The following IL17RA variants were observed in gnomAD, a reference collection of about 807,000 sequenced individuals.
IL17RA encodes interleukin-17 receptor A.
IL17RA carries 34 observed loss-of-function variants against 50.4 expected under a neutral mutation model. The ratio of observed to expected loss-of-function variants is 0.67; its 90% CI spans 0.51 to 0.90. The LOEUF (loss-of-function observed/expected upper bound fraction) is 0.90. IL17RA is among the 40% of genes least tolerant of loss of function. The pLI is 0.00. For missense variants in IL17RA, 1,276 were observed against 1,169.8 expected (o/e 1.09, Z -1.32); for synonymous variants, 585 against 510.4 (o/e 1.15, Z -1.97).
At chr22:17,108,206 C>A in intron 12 of IL17RA, 101 bp from the exon 13 acceptor site, 1 of 1,245,504 alleles carries the variant, frequency 8.0e-7, no homozygotes, top group Non-Finnish European at 1.2e-6. Flanking sequence ...AGGGAGGGAG[C>A]CAAGCTCTGT....
Position 17,102,210 on chromosome 22 carries a change from T to C in IL17RA, c.670T>C (p.Trp224Arg). Residue 224 changes from tryptophan (W) to arginine (R), a missense_variant, in exon 7 of 13, where the codon TGG (tryptophan) becomes CGG (arginine). Physicochemically the swap from Trp to Arg is moderately radical, Grantham distance 101. Coordinates refer to ENST00000319363, the MANE Select transcript of IL17RA (RefSeq NM_014339.7). ...AHQLRVSFTL[W>R]NESTHYQILL... ...CCAGCTGCGTGTGAGCTTCACCCTG[T>C]GGAACGAATCTACCCATTACCAGAT... 2 of 1,614,190 alleles carry C rather than the reference T, an allele frequency of 1.2e-6. No homozygotes were observed. The highest frequency in any genetic ancestry group is 1.3e-5 in the African/African-American group (1 of 75,054).
intron 5 of IL17RA, among the ~76,000 whole-genome samples, chr22:17,100,779 A>C (rs1165102972): frequency 6.6e-6 from 1 of 152,170 alleles, no homozygotes; most frequent in African/African-American, 2.4e-5. Flanking sequence ...CAGCCTGCCC[A>C]GAAAATAGCA....
At chr22:17,098,681 G>C (rs1477462374) in intron 3 of IL17RA, 94 bp from the exon 4 acceptor site, 1 of 942,162 alleles carries the variant, frequency 1.1e-6, no homozygotes, top group Non-Finnish European at 1.7e-6. Flanking sequence ...TTTCTTTTAG[G>C]AGTGAACAAC....
At position 17,112,948 on chromosome 22, in the gene IL17RA, TAG is replaced by T. The variant is rs1461373092; in HGVS notation, c.*3131_*3132del. 1.3e-5 allele frequency: 2 copies of T among 151,474 alleles called. No homozygotes were observed. The highest frequency in any genetic ancestry group is 1.9e-4 in the East Asian group (1 of 5,172). 9.4% of individuals were successfully genotyped at this position (151,474 alleles called of 1,614,324 possible). On this transcript the variant is annotated 3_prime_UTR_variant, in exon 13 of 13. Coordinates refer to ENST00000319363, the MANE Select transcript of IL17RA (RefSeq NM_014339.7). The stretch of plus-strand genomic sequence containing the variant: ...CACCAACAAGCTCCCAACTCCCGCG[TAG>T]AGTTTCATGACTTTTTCCTGCCTAC...
At chr22:17,104,409 G>A (rs551022822) in intron 8 of IL17RA, among the ~76,000 whole-genome samples, 9 of 151,520 alleles carry the variant, frequency 5.9e-5, no homozygotes, top group Admixed American at 2.6e-4. Flanking sequence ...TGGTGTGGAC[G>A]GGAGTGGGGA....
intron 1 of IL17RA, among the ~76,000 whole-genome samples, chr22:17,093,053 AT>A (rs1173226196): frequency 9.9e-5 from 15 of 151,504 alleles, no homozygotes; most frequent in Middle Eastern, 3.2e-3. Context: ...GTTTGGTTTA[AT>A]TGTGTTAACA....
chr22:17,094,667 C>CTATATATATA (rs2061359995), intron 1 of IL17RA, among the ~76,000 whole-genome samples: 3 of 25,104 alleles, frequency 1.2e-4, no homozygotes, highest in African/African-American at 3.4e-4. Flanking sequence ...CTCTCTCTCT[C>CTATATATATA]TCTCTCTCTC....
intron 8 of IL17RA, 41 bp from the exon 9 acceptor site, chr22:17,104,685 C>T (rs1211261485): frequency 6.9e-6 from 11 of 1,589,684 alleles, no homozygotes; most frequent in Non-Finnish European, 9.5e-6. Context: ...CATGGGCGCT[C>T]TACAGTTCTG....
chr22:17,103,466 C>G (rs907314347), intron 7 of IL17RA, 28 bp from the exon 8 acceptor site: 1 of 1,601,162 alleles, frequency 6.2e-7, no homozygotes, highest in East Asian at 2.2e-5. Flanking sequence ...TCCCAACTAG[C>G]CTTACCCATC....
rs1358015503 is a variant in IL17RA at position 17,085,217 on chromosome 22, C to T, written c.126C>T (p.Val42=). The change falls in exon 1 of 13, where the codon GTC becomes GTT. Residue 42 remains valine, a synonymous_variant. Coordinates refer to ENST00000319363, the MANE Select transcript of IL17RA (RefSeq NM_014339.7). The part of the protein sequence containing the change: ...SLRLLDHRAL[V]CSQPGLNCTV... ...GACTCCTGGACCACCGGGCGCTGGT[C>T]TGCTCCCAGCCGGTGAGACTCGACG... is the stretch of plus-strand genomic sequence containing the variant. The T allele has an allele frequency of 1.3e-6, 2 of 1,536,514 alleles. No homozygotes were observed. The highest frequency in any genetic ancestry group is 1.7e-6 in the Non-Finnish European group (2 of 1,145,438).
At chr22:17,094,679 C>CTA (rs1165282064) in intron 1 of IL17RA, among the ~76,000 whole-genome samples, 1 of 48,928 alleles carries the variant, frequency 2.0e-5, no homozygotes, top group African/African-American at 1.0e-4. Context: ...CTCTCTCTCT[C>CTA]TCTCTCTCTC....
In IL17RA at chr22:17,109,232, C is replaced by A; in HGVS notation, c.2013C>A (p.Ala671=). ...AGCCCCTCCACACCCTGGTGCTCGC[C>A]GCAGAGGAGGGGGCCCTGGTGGCCG... The part of the protein sequence containing the change: ...APQPLHTLVL[A]AEEGALVAAV... Residue 671 remains alanine, a synonymous_variant, in exon 13 of 13, where the codon GCC becomes GCA. Transcript: ENST00000319363. The A allele has an allele frequency of 6.7e-7, 1 of 1,492,574 alleles. No homozygotes were observed. The highest frequency in any genetic ancestry group is 2.2e-5 in the Admixed American group (1 of 46,252). 92.5% of individuals were successfully genotyped at this position (1,492,574 alleles called of 1,614,324 possible).
At position 17,104,780 on chromosome 22, in the gene IL17RA, G is replaced by A. The variant is rs149220878; in HGVS notation, c.901G>A (p.Val301Ile). The A allele has an allele frequency of 3.1e-6, 5 of 1,614,028 alleles. No individual in the cohort carries two copies. In the African/African-American group the frequency reaches 4.0e-5, roughly 13 times the overall value. ...TGACTGCCTCAGACACTCCGCGACT[G>A]TTTCCTGCCCAGAAATGCCAGACAC... The part of the protein sequence containing the change: ...LNDCLRHSAT[V>I]SCPEMPDTPE... Residue 301 changes from valine (V) to isoleucine (I), a missense_variant, in exon 9 of 13, where the codon GTT becomes ATT. Coordinates refer to ENST00000319363, the MANE Select transcript of IL17RA (RefSeq NM_014339.7).
chr22:17,085,970 G>A (rs1391848074), intron 1 of IL17RA, among the ~76,000 whole-genome samples: 1 of 151,788 alleles, frequency 6.6e-6, no homozygotes. Flanking sequence ...CGCCCTTCCC[G>A]CCACTCCCAC....
Position 17,108,627 on chromosome 22 carries a change from G to A in IL17RA, c.1408G>A (p.Asp470Asn), listed in dbSNP as rs569080265. Residue 470 changes from aspartate to asparagine, a missense_variant, in exon 13 of 13, where the codon GAC becomes AAC. Physicochemically the swap from Asp to Asn is conservative, Grantham distance 23. Coordinates refer to ENST00000319363, the MANE Select transcript of IL17RA (RefSeq NM_014339.7). The part of the protein sequence containing the change: ...GRGAPVRLRC[D>N]HGKPVGDLFT... ...GGGGGCGCCTGTGCGGCTGCGCTGC[G>A]ACCACGGAAAGCCCGTGGGGGACCT... 1.2e-5 allele frequency: 19 copies of A among 1,605,166 alleles called. No homozygotes were observed. The highest frequency in any genetic ancestry group is 1.1e-4 in the East Asian group (5 of 44,860).
At chr22:17,089,228 T>C (rs1169954246) in intron 1 of IL17RA, among the ~76,000 whole-genome samples, 8 of 152,164 alleles carry the variant, frequency 5.3e-5, no homozygotes, top group Admixed American at 4.6e-4. Flanking sequence ...TGGCCCCTTT[T>C]GTTATTTAGA....
chr22:17,093,043 G>T (rs1267120508), intron 1 of IL17RA, among the ~76,000 whole-genome samples: 1 of 151,556 alleles, frequency 6.6e-6, no homozygotes, highest in Non-Finnish European at 1.5e-5. Context: ...AATTTTACTT[G>T]TTTGGTTTAA....
rs1452720423 is a variant in IL17RA, at chr22:17,108,331, T to TC, written c.1118dup (p.Pro374ThrfsTer69). 3 of 1,613,696 alleles carry TC rather than the reference T, an allele frequency of 1.9e-6. No homozygotes were observed. Among genetic ancestry groups the TC allele is most frequent in the Non-Finnish European group, 2.5e-6 (3 of 1,179,944 alleles). On this transcript the variant is annotated frameshift_variant, in exon 13 of 13. Transcript: ENST00000319363. LOFTEE classifies it low-confidence loss of function (END_TRUNC). ...GATGGCCTGCCTGCGGCTGACCTGA[T>TC]CCCCCCACCGCTGAAGCCCAGGAAG...
rs180787596 is a variant in IL17RA, at chr22:17,104,768, C to T, written c.889C>T (p.His297Tyr). The change falls in exon 9 of 13, where the codon CAC becomes TAC. Residue 297 changes from histidine to tyrosine, a missense_variant. His to Tyr is a moderately conservative substitution (Grantham distance 83). Transcript: ENST00000319363. ...CAGCTGCCTCAATGACTGCCTCAGA[C>T]ACTCCGCGACTGTTTCCTGCCCAGA... ...FSSCLNDCLR[H>Y]SATVSCPEMP... is the part of the protein sequence containing the mutation. 170 of 1,614,150 alleles carry T rather than the reference C, an allele frequency of 1.1e-4. 1 individual carries two copies. The Admixed American group carries it at 2.8e-3, about 26-fold the overall frequency.
Sources: gnomAD v4.1 joint callset for allele counts (sites outside exome capture counted in the v4.1 genomes callset) on GRCh38, gnomAD v4.1.1 for gene constraint, MANE v1.5 for transcripts, NCBI Gene and HGNC (gene_info 2026-07-23, HGNC 2026-07-21) for gene names.